Variants in UACA observed in about 807,000 individuals in gnomAD.
The protein encoded by UACA is uveal autoantigen with coiled-coil domains and ankyrin repeats, also known as nuclear membrane binding protein.
UACA carries 112 observed loss-of-function variants against 160.5 expected under a neutral mutation model. The observed-to-expected ratio is 0.70, with a 90% CI of 0.60 to 0.82. UACA has a LOEUF of 0.82. Ranked by LOEUF, UACA falls within the 40% of genes least tolerant of loss-of-function variation. The probability of loss-of-function intolerance (pLI) is 0.00; values close to 1 mark genes in which losing one functional copy is unlikely to be tolerated. For synonymous variants in UACA, 557 were observed against 568.4 expected, an observed-to-expected ratio of 0.98 and a Z score of 0.29; for missense variants, 1,574 against 1,614.6, an observed-to-expected ratio of 0.97 and a Z score of 0.43.
At chr15:70,698,453 T>C (rs1032869010) in intron 2 of UACA, among the ~76,000 whole-genome samples, 2 of 152,194 alleles carry the variant, frequency 1.3e-5, no homozygotes, top group African/African-American at 2.4e-5. Flanking sequence ...TGGGGCAAGA[T>C]TCAAAATAAC....
At chr15:70,744,487 T>C (rs1189707979) in intron 1 of UACA, among the ~76,000 whole-genome samples, 2 of 152,140 alleles carry the variant, frequency 1.3e-5, no homozygotes, top group Non-Finnish European at 1.5e-5. Context: ...TATAAACTTA[T>C]TAGCCTTCAG....
chr15:70,722,343 G>A (rs1899018380), intron 1 of UACA, among the ~76,000 whole-genome samples: 1 of 151,380 alleles, frequency 6.6e-6, no homozygotes, highest in South Asian at 2.1e-4. Flanking sequence ...TTTGAGACAG[G>A]ATCTCACTGT....
At chr15:70,689,626 T>A (rs1897854458) in intron 5 of UACA, among the ~76,000 whole-genome samples, 1 of 152,156 alleles carries the variant, frequency 6.6e-6, no homozygotes, top group Non-Finnish European at 1.5e-5. Context: ...ACCACCTTAA[T>A]CTACTGCATA....
rs978970303 is a variant in UACA at position 70,710,454 on chromosome 15, T to C, written c.79-10794A>G. Among the ~76,000 whole-genome samples the C allele has an allele frequency of 9.2e-5, 14 of 152,216 alleles. 1 individual carries two copies. The highest frequency in any genetic ancestry group is 3.4e-3 in the Middle Eastern group (1 of 294). ...CAGAGCAATTCTCCAGCACACAACA[T>C]CTGGGTCTCCTACAATTTAACTCAT... On this transcript the variant is annotated intron_variant, in intron 1 of 18. Transcript: ENST00000322954.
At chr15:70,721,493 G>A (rs1898991014) in intron 1 of UACA, among the ~76,000 whole-genome samples, 1 of 152,118 alleles carries the variant, frequency 6.6e-6, no homozygotes, top group Non-Finnish European at 1.5e-5. Context: ...CGGGTGTGGT[G>A]GCGGGAGCCT....
intron 10 of UACA, 59 bp downstream of exon 10, chr15:70,679,549 C>T: frequency 8.7e-7 from 1 of 1,147,246 alleles, no homozygotes; most frequent in Non-Finnish European, 1.3e-6. Flanking sequence ...CTCTCTCAAT[C>T]CCACTACAAA....
intron 18 of UACA, among the ~76,000 whole-genome samples, chr15:70,659,391 GTTTGTTTTTTTTTTTT>G (rs1182594038): frequency 4.0e-4 from 4 of 9,962 alleles, no homozygotes; most frequent in African/African-American, 6.5e-4. Context: ...TTCATTTTTT[GTTTGTTTTTTTTTTTT>G]TTTTTTTTTT....
In UACA at chr15:70,668,257, A is replaced by G; in HGVS notation, c.2427T>C (p.His809=). The change falls in exon 16 of 19, where the codon CAT becomes CAC. Residue 809 remains histidine (H), a synonymous_variant. Coordinates refer to ENST00000322954, the MANE Select transcript of UACA (RefSeq NM_018003.4). The stretch of plus-strand genomic sequence containing the variant: ...ATTTCAGAGCTATTATCTCTTTTTC[A>G]TGTTTCTCAGGAGGTACAAACACAG... ...LETVFVPPEK[H]EKEIIALKSN... 6.2e-7 allele frequency: 1 copy of G among 1,613,308 alleles called. No individual in the cohort carries two copies. The highest frequency in any genetic ancestry group is 8.5e-7 in the Non-Finnish European group (1 of 1,179,874).
chr15:70,657,194 T>G, intron 18 of UACA, 67 bp from the exon 19 acceptor site: 1 of 1,333,960 alleles, frequency 7.5e-7, no homozygotes, highest in Non-Finnish European at 1.1e-6. Context: ...ATTCTAAAGA[T>G]AAAGCTTTTA....
At position 70,688,916 on chromosome 15, in the gene UACA, C is replaced by T. The variant is rs1897826320; in HGVS notation, c.425-1096G>A. Among the ~76,000 whole-genome samples, 3 of 152,200 alleles carry T rather than the reference C, an allele frequency of 2.0e-5. No homozygotes were observed. The South Asian group carries it at 6.2e-4, about 32-fold the overall frequency. ...TGTAGCAGAAAATGCAGTATTTTAC[C>T]AAAATTTGTTCTCCTCTTCTTCTAC... On this transcript the variant is annotated intron_variant, in intron 5 of 18. Transcript: ENST00000322954.
chr15:70,697,693 T>C (rs962804810), intron 2 of UACA, among the ~76,000 whole-genome samples: 1 of 152,232 alleles, frequency 6.6e-6, no homozygotes, highest in Non-Finnish European at 1.5e-5. Context: ...CATGCTTTAA[T>C]TAAGAATACA....
chr15:70,671,223 A>C (rs988547218), intron 14 of UACA, 132 bp from the exon 15 acceptor site: 1 of 531,680 alleles, frequency 1.9e-6, no homozygotes, highest in Non-Finnish European at 3.3e-6. Context: ...AAGTATCCTC[A>C]TTCTAAAATA....
rs1896467100 is a variant in UACA at position 70,656,056 on chromosome 15, TCA to T, written c.*998_*999del. The T allele has an allele frequency of 6.6e-6, 1 of 152,206 alleles. No individual in the cohort carries two copies. Among genetic ancestry groups the T allele is most frequent in the South Asian group, 2.1e-4 (1 of 4,834 alleles). The allele number at this position is 152,206 out of a possible 1,614,324, so 9.4% of individuals were successfully genotyped here. A position where few individuals can be genotyped will look rare whatever the true frequency, so the allele number is the denominator to read the frequency against. ...ATTTTATTGCTATCTATATACTCTT[TCA>T]GTTTACTGTATTACTGTACTTTTCT... is the stretch of plus-strand genomic sequence containing the variant. On this transcript the variant is annotated 3_prime_UTR_variant, in exon 19 of 19. Coordinates refer to ENST00000322954, the MANE Select transcript of UACA (RefSeq NM_018003.4).
rs1299016704 is a variant in UACA at position 70,669,337 on chromosome 15, C to T, written c.1347G>A (p.Met449Ile). 1.9e-6 allele frequency: 3 copies of T among 1,614,006 alleles called. No homozygotes were observed. Among genetic ancestry groups the T allele is most frequent in the Non-Finnish European group, 2.5e-6 (3 of 1,179,976 alleles). The change falls in exon 16 of 19, where the codon ATG becomes ATA. Residue 449 changes from methionine (M) to isoleucine (I), a missense_variant. Met to Ile is a conservative substitution (Grantham distance 10). Transcript: ENST00000322954. Reference protein sequence around the residue: ...NEILKKELEAMRTFCESAKQD... With the variant: ...NEILKKELEAIRTFCESAKQD... The stretch of plus-strand genomic sequence containing the variant: ...GTTTTGCTGACTCACAGAAAGTTCG[C>T]ATTGCTTCTAACTCTTTCTTTAAAA...
chr15:70,728,500 T>G (rs962276610), intron 1 of UACA, among the ~76,000 whole-genome samples: 4 of 148,892 alleles, frequency 2.7e-5, no homozygotes, highest in African/African-American at 7.5e-5. Context: ...GAGGCGGAGG[T>G]TGCGGTGAGC....
chr15:70,670,088 G>C (rs747219951), intron 15 of UACA, among the ~76,000 whole-genome samples: 24 of 152,192 alleles, frequency 1.6e-4, no homozygotes, highest in Non-Finnish European at 2.5e-4. Flanking sequence ...CAGGGAAAGA[G>C]AGTCTCCCAA....
rs144911546 is a variant in UACA, at chr15:70,701,848, T to C, written c.79-2188A>G. On this transcript the variant is annotated intron_variant, in intron 1 of 18. Coordinates refer to ENST00000322954, the MANE Select transcript of UACA (RefSeq NM_018003.4). ...TTCAGAAAGTCTAACCAAGAATCTT[T>C]TGTTACACTAGACTACTGGGATACC... The C allele has an allele frequency of 3.2e-4, 510 of 1,589,392 alleles. 4 individuals carry two copies. The East Asian group carries it at 0.011, about 35-fold the overall frequency.
intron 1 of UACA, among the ~76,000 whole-genome samples, chr15:70,738,275 T>C (rs1193736425): frequency 6.6e-6 from 1 of 151,756 alleles, no homozygotes; most frequent in Non-Finnish European, 1.5e-5. Context: ...CTGCTTCTGC[T>C]TGTACCCTTG....
At chr15:70,674,748 C>A (rs955270534) in intron 13 of UACA, among the ~76,000 whole-genome samples, 2 of 152,134 alleles carry the variant, frequency 1.3e-5, no homozygotes, top group Non-Finnish European at 2.9e-5. Context: ...CAGGCATGTG[C>A]CACCACGCCC....
Sources: gnomAD v4.1 joint callset for allele counts (sites outside exome capture counted in the v4.1 genomes callset) on GRCh38, gnomAD v4.1.1 for gene constraint, MANE v1.5 for transcripts, NCBI Gene and HGNC (gene_info 2026-07-23, HGNC 2026-07-21) for gene names.